Variants in LRRC4C observed in about 807,000 individuals in gnomAD.
The protein encoded by LRRC4C is leucine rich repeat containing 4C.
A neutral mutation model predicts 33.6 loss-of-function variants in LRRC4C; 5 were observed. The observed-to-expected ratio is 0.15, with a 90% CI of 0.08 to 0.31. The LOEUF is 0.31. LRRC4C is among the 10% of genes least tolerant of loss of function. The probability of loss-of-function intolerance (pLI) is 1.00; values close to 1 mark genes in which losing one functional copy is unlikely to be tolerated. For missense variants in LRRC4C, 560 were observed against 796.7 expected, an observed-to-expected ratio of 0.70 and a Z score of 3.58; for synonymous variants, 329 against 302.0, an observed-to-expected ratio of 1.09 and a Z score of -0.93.
chr11:40,867,406 C>T (rs1165998781), intron 2 of LRRC4C, among the ~76,000 whole-genome samples: 1 of 152,158 alleles, frequency 6.6e-6, no homozygotes, highest in Non-Finnish European at 1.5e-5. Flanking sequence ...ATAATACTGT[C>T]TCTGGAAGTG....
chr11:41,058,724 T>G (rs1858828026), intron 1 of LRRC4C, among the ~76,000 whole-genome samples: 1 of 152,208 alleles, frequency 6.6e-6, no homozygotes, highest in Non-Finnish European at 1.5e-5. Flanking sequence ...CTCAAAGGAA[T>G]ATAAATTTTT....
intron 1 of LRRC4C, among the ~76,000 whole-genome samples, chr11:41,027,923 TA>T (rs1179721546): frequency 6.6e-6 from 1 of 151,654 alleles, no homozygotes; most frequent in Non-Finnish European, 1.5e-5. Context: ...CTACAGTGTA[TA>T]AAAATTAAAG....
At chr11:41,110,078 A>G (rs948624582) in intron 1 of LRRC4C, among the ~76,000 whole-genome samples, 1 of 152,038 alleles carries the variant, frequency 6.6e-6, no homozygotes, top group Non-Finnish European at 1.5e-5. Context: ...TTATTGCTCC[A>G]TGGGAAGTCA....
intron 1 of LRRC4C, among the ~76,000 whole-genome samples, chr11:41,208,004 G>T (rs957502822): frequency 3.9e-5 from 6 of 152,150 alleles, no homozygotes; most frequent in African/African-American, 1.4e-4. Context: ...TGTACATTAA[G>T]GTGATTTTGG....
At chr11:41,407,273 G>T (rs986295208) in intron 1 of LRRC4C, among the ~76,000 whole-genome samples, 1 of 151,492 alleles carries the variant, frequency 6.6e-6, no homozygotes, top group African/African-American at 2.4e-5. Context: ...TTTAAATCCA[G>T]GTCTGTTTGA....
intron 2 of LRRC4C, among the ~76,000 whole-genome samples, chr11:40,911,313 C>T (rs1956672582): frequency 6.6e-6 from 1 of 152,160 alleles, no homozygotes; most frequent in Non-Finnish European, 1.5e-5. Flanking sequence ...GGCAGACTGA[C>T]ACCTCACACA....
At chr11:40,670,623 C>A (rs1944041591) in intron 2 of LRRC4C, among the ~76,000 whole-genome samples, 1 of 152,140 alleles carries the variant, frequency 6.6e-6, no homozygotes, top group Non-Finnish European at 1.5e-5. Context: ...AAACCACCAG[C>A]AGCAAAGTTG....
At chr11:41,329,315 T>C (rs555655767) in intron 1 of LRRC4C, among the ~76,000 whole-genome samples, 2 of 152,298 alleles carry the variant, frequency 1.3e-5, no homozygotes, top group Non-Finnish European at 2.9e-5. Context: ...CCTCCTGAGC[T>C]CAAGACCAAA....
intron 1 of LRRC4C, among the ~76,000 whole-genome samples, chr11:41,293,960 A>G (rs1465639702): frequency 6.6e-6 from 1 of 152,176 alleles, no homozygotes; most frequent in Admixed American, 6.5e-5. Flanking sequence ...AAAGAAACAC[A>G]CACACAGACA....
At chr11:40,219,731 G>T (rs954732114) in intron 5 of LRRC4C, among the ~76,000 whole-genome samples, 1 of 151,098 alleles carries the variant, frequency 6.6e-6, no homozygotes, top group Non-Finnish European at 1.5e-5. Flanking sequence ...GGGCATGAGG[G>T]GGAAGAAATT....
At chr11:40,945,023 C>CTTTTTTTTTTTTT (rs767515626) in intron 1 of LRRC4C, among the ~76,000 whole-genome samples, 2 of 111,122 alleles carry the variant, frequency 1.8e-5, no homozygotes, top group Non-Finnish European at 3.7e-5. Flanking sequence ...TGCAGTTTTT[C>CTTTTTTTTTTTTT]TTTTTTTTTT....
chr11:41,080,766 T>C (rs1939516282), intron 1 of LRRC4C, among the ~76,000 whole-genome samples: 1 of 152,238 alleles, frequency 6.6e-6, no homozygotes, highest in Admixed American at 6.5e-5. Context: ...TTATTTGAGC[T>C]TTGGATTGGA....
intron 3 of LRRC4C, among the ~76,000 whole-genome samples, chr11:40,613,636 T>C (rs1201721187): frequency 6.6e-6 from 1 of 151,958 alleles, no homozygotes; most frequent in East Asian, 1.9e-4. Context: ...ACAATTATTT[T>C]AAATACCATC....
chr11:40,318,365 A>G (rs1172840394), intron 4 of LRRC4C, among the ~76,000 whole-genome samples: 1 of 152,080 alleles, frequency 6.6e-6, no homozygotes, highest in Non-Finnish European at 1.5e-5. Context: ...AAATAAACCA[A>G]ACATTTTTTG....
chr11:40,395,061 G>C (rs1288223736), intron 3 of LRRC4C, among the ~76,000 whole-genome samples: 1 of 152,120 alleles, frequency 6.6e-6, no homozygotes, highest in Non-Finnish European at 1.5e-5. Flanking sequence ...TTGATACAGA[G>C]TAGGATATAG....
intron 3 of LRRC4C, among the ~76,000 whole-genome samples, chr11:40,400,799 G>A (rs1196140855): frequency 6.6e-6 from 1 of 152,086 alleles, no homozygotes; most frequent in Non-Finnish European, 1.5e-5. Context: ...TGGTTGGAAT[G>A]TCATTCCCTC....
chr11:41,242,897 C>G (rs1948308734), intron 1 of LRRC4C, among the ~76,000 whole-genome samples: 1 of 152,084 alleles, frequency 6.6e-6, no homozygotes, highest in South Asian at 2.1e-4. Flanking sequence ...TTATTTAATG[C>G]TCTTTTCCCC....
At chr11:40,498,500 T>C (rs1322362457) in intron 3 of LRRC4C, among the ~76,000 whole-genome samples, 3 of 152,214 alleles carry the variant, frequency 2.0e-5, no homozygotes, top group Non-Finnish European at 4.4e-5. Context: ...AAAATAAATA[T>C]GAGAAGAAGA....
At position 41,307,177 on chromosome 11, in the gene LRRC4C, A is replaced by G. The variant is rs148208282; in HGVS notation, c.-496+152254T>C. ...TGAAGGGGAAAAAGTCAAAATGAAA[A>G]CTTAAATAACAACTCAATTTTTTTT... On this transcript the variant is annotated intron_variant, in intron 1 of 6. Transcript: ENST00000528697. Among the ~76,000 whole-genome samples, 598 of 152,226 alleles carry G rather than the reference A, an allele frequency of 3.9e-3. 2 individuals carry two copies. Among genetic ancestry groups the G allele is most frequent in the African/African-American group, 0.013 (536 of 41,538 alleles).
Sources: allele counts gnomAD v4.1 joint callset (sites outside exome capture counted in the v4.1 genomes callset), GRCh38; gene constraint gnomAD v4.1.1; transcripts MANE v1.5; gene names NCBI Gene and HGNC (gene_info 2026-07-23, HGNC 2026-07-21).